Variants in UBE3D observed in about 807,000 individuals in gnomAD.
UBE3D encodes E3 ubiquitin-protein ligase E3D.
A neutral mutation model predicts 49.6 loss-of-function variants in UBE3D; 48 were observed. The observed-to-expected ratio is 0.97, with a 90% CI of 0.77 to 1.23. UBE3D has a LOEUF of 1.23. UBE3D is among the 50% of genes most tolerant of loss of function. The probability of loss-of-function intolerance (pLI) is 0.00; values close to 1 mark genes in which losing one functional copy is unlikely to be tolerated. For missense variants in UBE3D, 452 were observed against 468.4 expected (o/e 0.96, Z 0.32); for synonymous variants, 189 against 174.2 (o/e 1.08, Z -0.67).
At chr6:83,056,432 AAAC>A (rs1783820528) in intron 2 of UBE3D, among the ~76,000 whole-genome samples, 1 of 152,190 alleles carries the variant, frequency 6.6e-6, no homozygotes, top group Non-Finnish European at 1.5e-5. Context: ...CTCTTCCCTG[AAAC>A]AACACTTTCT....
chr6:82,963,736 TTCACAGACACACCC>T (rs1776715832), intron 8 of UBE3D, among the ~76,000 whole-genome samples: 1 of 152,126 alleles, frequency 6.6e-6, no homozygotes, highest in Admixed American at 6.5e-5. Context: ...GTTAATCTCC[TTCACAGACACACCC>T]TCACAGACAC....
At chr6:83,059,172 A>G (rs1784006282) in intron 1 of UBE3D, among the ~76,000 whole-genome samples, 1 of 152,168 alleles carries the variant, frequency 6.6e-6, no homozygotes, top group Non-Finnish European at 1.5e-5. Flanking sequence ...GTTTGAGCCA[A>G]GAAGTTTGAG....
intron 8 of UBE3D, 123 bp downstream of exon 8, chr6:83,018,850 G>T: frequency 2.0e-6 from 2 of 1,015,882 alleles, no homozygotes; most frequent in Non-Finnish European, 1.5e-6. Flanking sequence ...TAGCAGTATT[G>T]GCTCCTAGAA....
intron 2 of UBE3D, among the ~76,000 whole-genome samples, chr6:83,057,242 C>T (rs1783872197): frequency 1.3e-5 from 2 of 152,198 alleles, no homozygotes; most frequent in African/African-American, 4.8e-5. Flanking sequence ...GATCATCCTT[C>T]AGCCAACCCT....
intron 9 of UBE3D, among the ~76,000 whole-genome samples, chr6:82,937,320 A>AAACAG (rs1774653954): frequency 6.6e-6 from 1 of 151,860 alleles, no homozygotes; most frequent in African/African-American, 2.4e-5. Context: ...CCTTCTAACA[A>AAACAG]AACAAAACAA....
chr6:82,985,008 CTTTTTTTTT>C (rs70987727), intron 8 of UBE3D, among the ~76,000 whole-genome samples: 2 of 52,998 alleles, frequency 3.8e-5, no homozygotes, highest in African/African-American at 1.5e-4. Flanking sequence ...TCTTCTTCTT[CTTTTTTTTT>C]TTTTTTTTTT....
intron 3 of UBE3D, among the ~76,000 whole-genome samples, chr6:83,046,467 T>C (rs1783040413): frequency 6.6e-6 from 1 of 152,170 alleles, no homozygotes; most frequent in Non-Finnish European, 1.5e-5. Flanking sequence ...CTGTTAAGCA[T>C]ACTGAGAAGT....
chr6:82,890,293 G>C (rs895484170), downstream of UBE3D, among the ~76,000 whole-genome samples: 1 of 152,102 alleles, frequency 6.6e-6, no homozygotes, highest in South Asian at 2.1e-4. Context: ...CAAAAAGATA[G>C]AAAGAGCCAT....
chr6:82,922,123 T>C (rs566600196), intron 9 of UBE3D, among the ~76,000 whole-genome samples: 11 of 89,444 alleles, frequency 1.2e-4, no homozygotes, highest in African/African-American at 3.4e-4. Flanking sequence ...AAAGGCATAT[T>C]CTGAACAATT....
At chr6:82,928,615 G>T (rs2127742109) in intron 9 of UBE3D, among the ~76,000 whole-genome samples, 1 of 152,238 alleles carries the variant, frequency 6.6e-6, no homozygotes, top group African/African-American at 2.4e-5. Context: ...TTTAAAACAT[G>T]AATGCATTCA....
At chr6:82,957,925 A>T (rs1776280052) in intron 8 of UBE3D, among the ~76,000 whole-genome samples, 1 of 152,210 alleles carries the variant, frequency 6.6e-6, no homozygotes, top group Admixed American at 6.5e-5. Flanking sequence ...TCAAACTTTT[A>T]AAAAGTGACA....
At chr6:82,952,837 C>A (rs972580359) in intron 9 of UBE3D, among the ~76,000 whole-genome samples, 3 of 152,164 alleles carry the variant, frequency 2.0e-5, no homozygotes, top group Admixed American at 1.3e-4. Context: ...ATCAACTTAA[C>A]ATTCTTGGGT....
chr6:82,892,917 TG>T lies in UBE3D; in HGVS notation c.*104del. 7.7e-7 allele frequency: 1 copy of T among 1,306,090 alleles called. No homozygotes were observed. Among genetic ancestry groups the T allele is most frequent in the Non-Finnish European group, 1.1e-6 (1 of 902,024 alleles). 80.9% of individuals were successfully genotyped at this position (1,306,090 alleles called of 1,614,324 possible). A position where few individuals can be genotyped will look rare whatever the true frequency, so the allele number is the denominator to read the frequency against. On this transcript the variant is annotated 3_prime_UTR_variant, in exon 10 of 10. Transcript: ENST00000369747. ...ATGCAATGCTCTTATCCCATAGCTC[TG>T]GTTCTTGTCTTTGTAATTGATGCCT...
At chr6:82,942,430 A>G (rs1775080273) in intron 9 of UBE3D, among the ~76,000 whole-genome samples, 1 of 152,204 alleles carries the variant, frequency 6.6e-6, no homozygotes, top group Non-Finnish European at 1.5e-5. Context: ...AGATACAAGG[A>G]GCAGAATGTT....
At chr6:83,063,787 G>T (rs918568332) in intron 1 of UBE3D, among the ~76,000 whole-genome samples, 1 of 152,194 alleles carries the variant, frequency 6.6e-6, no homozygotes, top group African/African-American at 2.4e-5. Context: ...CTGGTTGAAC[G>T]TGCAAACTGG....
intron 8 of UBE3D, among the ~76,000 whole-genome samples, chr6:82,981,236 T>C (rs1033882960): frequency 7.2e-5 from 11 of 152,114 alleles, no homozygotes; most frequent in Non-Finnish European, 1.5e-4. Context: ...TCTTTTTAGC[T>C]GTAAAACGGG....
At chr6:82,894,231 C>T (rs996172491) in intron 9 of UBE3D, among the ~76,000 whole-genome samples, 1 of 152,058 alleles carries the variant, frequency 6.6e-6, no homozygotes, top group East Asian at 1.9e-4. Flanking sequence ...CAAAGTGAAA[C>T]GTTCCATGGG....
chr6:82,910,379 A>G (rs913307317), intron 9 of UBE3D, among the ~76,000 whole-genome samples: 125 of 152,330 alleles, frequency 8.2e-4, no homozygotes, highest in African/African-American at 2.8e-3. Context: ...ATCTAGGTTT[A>G]TTACTTTTCT....
downstream of UBE3D, among the ~76,000 whole-genome samples, chr6:82,890,166 C>T (rs548790453): frequency 1.8e-4 from 27 of 152,248 alleles, no homozygotes; most frequent in Middle Eastern, 3.4e-3. Flanking sequence ...TGCTTCAATT[C>T]TGTGTAGCCC....
Sources: allele counts gnomAD v4.1 joint callset (sites outside exome capture counted in the v4.1 genomes callset), GRCh38; gene constraint gnomAD v4.1.1; transcripts MANE v1.5; gene names NCBI Gene and HGNC (gene_info 2026-07-23, HGNC 2026-07-21).